The following PRKN variants were observed in gnomAD, a reference collection of about 807,000 sequenced individuals.
PRKN encodes E3 ubiquitin-protein ligase parkin.
A neutral mutation model predicts 59.5 loss-of-function variants in PRKN; 56 were observed. The observed-to-expected ratio is 0.94, with a 90% CI of 0.76 to 1.18. PRKN has a LOEUF of 1.18. Among genes scored for constraint, PRKN ranks in the 50% most tolerant of loss-of-function variants. PRKN has a pLI of 0.00. For synonymous variants in PRKN, 250 were observed against 222.1 expected, an observed-to-expected ratio of 1.13 and a Z score of -1.12; for missense variants, 657 against 596.4, an observed-to-expected ratio of 1.10 and a Z score of -1.06.
At chr6:161,478,339 C>T (rs990004942) in intron 9 of PRKN, among the ~76,000 whole-genome samples, 10 of 152,024 alleles carry the variant, frequency 6.6e-5, no homozygotes, top group Admixed American at 4.6e-4. Flanking sequence ...ATGATTTCCA[C>T]GGGAATGTGA....
intron 1 of PRKN, among the ~76,000 whole-genome samples, chr6:162,572,078 C>T (rs926716587): frequency 3.9e-5 from 6 of 152,144 alleles, no homozygotes; most frequent in South Asian, 2.1e-4. Context: ...ATCCAGCCTG[C>T]ATCCTGGCAC....
chr6:161,524,948 AGGAAACAATGT>A (rs1778965373), intron 9 of PRKN, among the ~76,000 whole-genome samples: 1 of 152,208 alleles, frequency 6.6e-6, no homozygotes, highest in Non-Finnish European at 1.5e-5. Flanking sequence ...AGGAGATCAC[AGGAAACAATGT>A]GAAATTCTGC....
In PRKN at chr6:161,366,982, C is replaced by CTT. The variant is rs57164972; in HGVS notation, c.1168-6779_1168-6778dup. On this transcript the variant is annotated intron_variant, in intron 10 of 11. Coordinates refer to ENST00000366898, the MANE Select transcript of PRKN (RefSeq NM_004562.3). ...AAGTTTTTTGGGGTTTTTTTGTTTC[C>CTT]TTTTTTTTTTTTTTTTTTTTTTTTT... 1.6e-3 allele frequency among the ~76,000 whole-genome samples: 147 copies of CTT among 91,964 alleles called. 11 individuals carry two copies. Among genetic ancestry groups the CTT allele is most frequent in the East Asian group, 5.6e-3 (17 of 3,018 alleles). 60.3% of individuals were successfully genotyped at this position (91,964 alleles called of 152,430 possible).
intron 2 of PRKN, among the ~76,000 whole-genome samples, chr6:162,315,715 T>C (rs1263931110): frequency 1.3e-5 from 2 of 152,168 alleles, no homozygotes; most frequent in African/African-American, 4.8e-5. Flanking sequence ...TAAGTCTTTT[T>C]TGGAAATGGC....
rs555659657 is a variant in PRKN at position 162,295,612 on chromosome 6, G to A, written c.172-32847C>T. Reference sequence around the variant, plus strand: ...TTCAGCAAAATTCAAAGTATAAAACGGAAGTATTACCTGGCCCCACTACAG... The same window carrying A: ...TTCAGCAAAATTCAAAGTATAAAACAGAAGTATTACCTGGCCCCACTACAG... On this transcript the variant is annotated intron_variant, in intron 2 of 11. Transcript: ENST00000366898. Among the ~76,000 whole-genome samples, 4 of 152,234 alleles carry A rather than the reference G, an allele frequency of 2.6e-5. 1 individual carries two copies. In the South Asian group the frequency reaches 8.3e-4, roughly 32 times the overall value.
At chr6:161,568,808 C>T (rs1238131717) in intron 8 of PRKN, among the ~76,000 whole-genome samples, 3 of 152,040 alleles carry the variant, frequency 2.0e-5, no homozygotes, top group African/African-American at 7.2e-5. Flanking sequence ...GAATTATTTA[C>T]TTAGCATATC....
At chr6:161,438,486 G>C (rs1173785000) in intron 9 of PRKN, among the ~76,000 whole-genome samples, 1 of 151,976 alleles carries the variant, frequency 6.6e-6, no homozygotes, top group Non-Finnish European at 1.5e-5. Context: ...AAGGTGCTGG[G>C]ATTACAGGCA....
rs1368895935 is a variant in PRKN, at chr6:161,423,282, T to C, written c.1084-36405A>G. Reference sequence around the variant, plus strand: ...TCAACTAGTATCTGAAGGGTTGTCATGCTCTCTCTGCTTTCTAATGTACAT... The same window carrying C: ...TCAACTAGTATCTGAAGGGTTGTCACGCTCTCTCTGCTTTCTAATGTACAT... On this transcript the variant is annotated intron_variant, in intron 9 of 11. Transcript: ENST00000366898. This position sits in a 1 kb window ranked among gnomAD's most constrained non-coding sequence, Gnocchi z 5.9. Among the ~76,000 whole-genome samples the C allele has an allele frequency of 6.6e-6, 1 of 152,218 alleles. No individual in the cohort carries two copies. Among genetic ancestry groups the C allele is most frequent in the East Asian group, 1.9e-4 (1 of 5,194 alleles).
At chr6:161,855,845 C>T (rs1893098) in intron 6 of PRKN, among the ~76,000 whole-genome samples, 75,737 of 151,972 alleles carry the variant, frequency 0.5, 19,115 homozygotes, top group East Asian at 0.76. Flanking sequence ...AAAAATCCTT[C>T]GTAAATATTA....
chr6:161,871,261 T>C (rs556918580), intron 6 of PRKN, among the ~76,000 whole-genome samples: 1 of 152,226 alleles, frequency 6.6e-6, no homozygotes, highest in South Asian at 2.1e-4. Flanking sequence ...TATGATGGTA[T>C]CTCTTCCAGA....
At chr6:162,289,120 G>T (rs1206755197) in intron 2 of PRKN, among the ~76,000 whole-genome samples, 1 of 151,940 alleles carries the variant, frequency 6.6e-6, no homozygotes, top group African/African-American at 2.4e-5. Context: ...CAGCTCTGGA[G>T]GCCAGACCCT....
chr6:161,981,455 G>A (rs745522262), intron 5 of PRKN, among the ~76,000 whole-genome samples: 1 of 152,156 alleles, frequency 6.6e-6, no homozygotes, highest in African/African-American at 2.4e-5. Context: ...TGAGGCAGGA[G>A]GATCGCTTGA....
intron 9 of PRKN, among the ~76,000 whole-genome samples, chr6:161,540,461 T>C (rs1779577718): frequency 6.6e-6 from 1 of 152,166 alleles, no homozygotes; most frequent in South Asian, 2.1e-4. Context: ...AAGATTTTAC[T>C]GTAAAAATAA....
chr6:162,040,102 G>A (rs1014912329), intron 5 of PRKN, among the ~76,000 whole-genome samples: 2 of 152,122 alleles, frequency 1.3e-5, no homozygotes, highest in Admixed American at 6.6e-5. Flanking sequence ...TCTCAAACAC[G>A]ATGGTTGTCG....
At chr6:161,923,025 G>A (rs911552840) in intron 6 of PRKN, among the ~76,000 whole-genome samples, 2 of 152,200 alleles carry the variant, frequency 1.3e-5, no homozygotes, top group Non-Finnish European at 2.9e-5. Context: ...CTCCCTCCAG[G>A]CTGGCAGGCA....
At chr6:161,427,629 C>T (rs891261541) in intron 9 of PRKN, among the ~76,000 whole-genome samples, 3 of 152,066 alleles carry the variant, frequency 2.0e-5, no homozygotes, top group South Asian at 2.1e-4. Context: ...AATTGGAAGA[C>T]GTTTTGTGAC....
chr6:162,219,098 G>A (rs574434796), intron 3 of PRKN, among the ~76,000 whole-genome samples: 1 of 152,258 alleles, frequency 6.6e-6, no homozygotes, highest in Non-Finnish European at 1.5e-5. Flanking sequence ...GCTGAGGTGG[G>A]AGAAATCACT....
chr6:162,253,279 A>AATCT (rs1779511397), intron 3 of PRKN, among the ~76,000 whole-genome samples: 48 of 149,528 alleles, frequency 3.2e-4, no homozygotes, highest in African/African-American at 1.2e-3. Flanking sequence ...AACAGGCAAC[A>AATCT]AATCTAATCT....
At chr6:162,223,871 T>A (rs1257384386) in intron 3 of PRKN, among the ~76,000 whole-genome samples, 6 of 152,128 alleles carry the variant, frequency 3.9e-5, no homozygotes, top group Admixed American at 3.9e-4. Flanking sequence ...TTTTGTAATA[T>A]GAGATAGGAA....
Sources: allele counts gnomAD v4.1 joint callset (sites outside exome capture counted in the v4.1 genomes callset), GRCh38; gene constraint gnomAD v4.1.1; non-coding constraint Gnocchi (gnomAD v3.1); transcripts MANE v1.5; gene names NCBI Gene and HGNC (gene_info 2026-07-23, HGNC 2026-07-21).